The following BCAP29 variants were observed in gnomAD, a reference collection of about 807,000 sequenced individuals.
The protein encoded by BCAP29 is B cell receptor associated protein 29, also known as B-cell receptor-associated protein 29.
A neutral mutation model predicts 31.8 loss-of-function variants in BCAP29; 34 were observed. The observed-to-expected ratio is 1.07, with a 90% CI of 0.81 to 1.42. The LOEUF (loss-of-function observed/expected upper bound fraction) is 1.42, where lower values mean the gene tolerates loss of function less well. BCAP29 is among the 40% of genes most tolerant of loss of function. BCAP29 has a pLI of 0.00. For synonymous variants in BCAP29, 104 were observed against 91.3 expected (o/e 1.14, Z -0.79); for missense variants, 314 against 269.2 (o/e 1.17, Z -1.16).
At chr7:107,593,676 G>A (rs997202075) in intron 3 of BCAP29, among the ~76,000 whole-genome samples, 1 of 152,166 alleles carries the variant, frequency 6.6e-6, no homozygotes, top group East Asian at 1.9e-4. Context: ...AGTTTGCAGT[G>A]TAGTTAGAGA....
chr7:107,615,697 A>G (rs1814001249), intron 7 of BCAP29: 1 of 202,248 alleles, frequency 4.9e-6, no homozygotes, highest in African/African-American at 2.3e-5. Flanking sequence ...GCCAGACACC[A>G]TGCCGAGAGT....
At chr7:107,599,217 AT>A (rs1213913994) in intron 5 of BCAP29, among the ~76,000 whole-genome samples, 1 of 16,406 alleles carries the variant, frequency 6.1e-5, no homozygotes, top group African/African-American at 3.4e-4. Context: ...ATAAATATAT[AT>A]ATACATAATT....
At chr7:107,617,314 G>A (rs1035555380) in intron 7 of BCAP29, among the ~76,000 whole-genome samples, 11 of 152,088 alleles carry the variant, frequency 7.2e-5, no homozygotes, top group Non-Finnish European at 1.0e-4. Flanking sequence ...AGAGGGAAAC[G>A]CTGATTTCTT....
chr7:107,605,172 A>G (rs1215712089), intron 6 of BCAP29, among the ~76,000 whole-genome samples: 2 of 152,228 alleles, frequency 1.3e-5, no homozygotes, highest in African/African-American at 4.8e-5. Flanking sequence ...ATACTCATAA[A>G]CTATGTGTCT....
rs146681774 is a variant in BCAP29 at position 107,600,456 on chromosome 7, A to G, written c.540A>G (p.Leu180=). The G allele has an allele frequency of 6.2e-6, 10 of 1,611,382 alleles. No homozygotes were observed. The highest frequency in any genetic ancestry group is 2.7e-5 in the African/African-American group (2 of 74,876). The change falls in exon 6 of 8, where the codon CTA becomes CTG. Residue 180 remains leucine, a synonymous_variant. Coordinates refer to ENST00000005259, the MANE Select transcript of BCAP29 (RefSeq NM_018844.4). ...TTTTGGAAGCAGAAAATAAAAAACT[A>G]GTAGAAGACCAGGAGAAACTGAAAA... ...ECVLEAENKK[L]VEDQEKLKTE...
In BCAP29 at chr7:107,619,864, C is replaced by T. The variant is rs1371108239; in HGVS notation, c.*1501C>T. On this transcript the variant is annotated 3_prime_UTR_variant, in exon 8 of 8. Transcript: ENST00000005259. ...ATAACTTACAGAAAAATAGAAAATG[C>T]ACAGCTTTAAAATGGGCAGAGTTAA... The T allele has an allele frequency of 6.6e-6, 1 of 152,132 alleles. No homozygotes were observed. The highest frequency in any genetic ancestry group is 1.5e-5 in the Non-Finnish European group (1 of 68,026). The allele number at this position is 152,132 out of a possible 1,614,324, so 9.4% of individuals were successfully genotyped here. A position where few individuals can be genotyped will look rare whatever the true frequency, so the allele number is the denominator to read the frequency against.
chr7:107,580,747 T>G lies in BCAP29; in HGVS notation c.-14-12T>G. On this transcript the variant is annotated splice_polypyrimidine_tract_variant and intron_variant, in intron 1 of 7. Coordinates refer to ENST00000005259, the MANE Select transcript of BCAP29 (RefSeq NM_018844.4). ...AAAGGAAGCAAGAGAAAATAAGTGT[T>G]TTTCCATTTAGGTGTGAAGAAAAAA... The G allele has an allele frequency of 6.4e-7, 1 of 1,560,000 alleles. No individual in the cohort carries two copies. The highest frequency in any genetic ancestry group is 8.7e-7 in the Non-Finnish European group (1 of 1,145,360).
chr7:107,609,000 C>CTA (rs1044013692), intron 6 of BCAP29, among the ~76,000 whole-genome samples: 25 of 152,170 alleles, frequency 1.6e-4, no homozygotes, highest in African/African-American at 5.8e-4. Context: ...AGTCCATAGT[C>CTA]TAGTAAGGGC....
At chr7:107,590,929 G>T (rs533837354) in intron 3 of BCAP29, among the ~76,000 whole-genome samples, 2 of 151,946 alleles carry the variant, frequency 1.3e-5, no homozygotes, top group Non-Finnish European at 2.9e-5. Context: ...AATACAGGTG[G>T]GTCAGTATAC....
intron 6 of BCAP29, among the ~76,000 whole-genome samples, chr7:107,608,449 AT>A (rs977899432): frequency 2.8e-4 from 43 of 151,696 alleles, no homozygotes; most frequent in African/African-American, 9.2e-4. Context: ...ACACATTTCC[AT>A]TTTGGATATT....
At position 107,618,922 on chromosome 7, in the gene BCAP29, T is replaced by G. The variant is rs891602309; in HGVS notation, c.*559T>G. 1 of 172,394 alleles carries G rather than the reference T, an allele frequency of 5.8e-6. No homozygotes were observed. The highest frequency in any genetic ancestry group is 2.4e-5 in the African/African-American group (1 of 42,276). 10.7% of individuals were successfully genotyped at this position (172,394 alleles called of 1,614,324 possible). On this transcript the variant is annotated 3_prime_UTR_variant, in exon 8 of 8. Coordinates refer to ENST00000005259, the MANE Select transcript of BCAP29 (RefSeq NM_018844.4). ...CTGATGATACTATGGTTTACTCTAA[T>G]AAGATAGCTATATTGATAATTATAT... is the stretch of plus-strand genomic sequence containing the variant.
intron 3 of BCAP29, among the ~76,000 whole-genome samples, chr7:107,590,837 G>A (rs1004548892): frequency 1.1e-4 from 17 of 148,742 alleles, no homozygotes; most frequent in African/African-American, 3.4e-4. Context: ...AAAAAAAAAA[G>A]AAAGAAAGAA....
rs1397332213 is a variant in BCAP29, at chr7:107,595,964, G to A, written c.442G>A (p.Ala148Thr). The change falls in exon 5 of 8, where the codon GCC becomes ACC. Residue 148 changes from alanine (A) to threonine (T), a missense_variant. Transcript: ENST00000005259. ...KTQAENTNKA[A>T]KKFMEENEKL... The stretch of plus-strand genomic sequence containing the variant: ...TCAAGCAGAAAATACTAACAAGGCT[G>A]CCAAAAAATTTATGGAAGAAAACGA... 6.3e-7 allele frequency: 1 copy of A among 1,576,926 alleles called. No homozygotes were observed. Among genetic ancestry groups the A allele is most frequent in the Non-Finnish European group, 8.6e-7 (1 of 1,168,670 alleles).
Position 107,600,654 on chromosome 7 carries a change from A to G in BCAP29, c.589+149A>G, listed in dbSNP as rs1439052639. The G allele has an allele frequency of 1.3e-5, 7 of 532,906 alleles. No individual in the cohort carries two copies. The South Asian group carries it at 2.1e-4, about 16-fold the overall frequency. 33.0% of individuals were successfully genotyped at this position (532,906 alleles called of 1,614,324 possible). ...ATTTATAAATTCTTGTTCAAATATG[A>G]AGATAAAACATTATGTCAGCCAAGA... is the stretch of plus-strand genomic sequence containing the variant. On this transcript the variant is annotated intron_variant, in intron 6 of 7. Coordinates refer to ENST00000005259, the MANE Select transcript of BCAP29 (RefSeq NM_018844.4).
chr7:107,613,568 C>A, intron 7 of BCAP29, 136 bp downstream of exon 7: 2 of 1,406,388 alleles, frequency 1.4e-6, no homozygotes, highest in East Asian at 2.4e-5. Context: ...TTAAAGAAGC[C>A]AGATTTTTAC....
chr7:107,585,608 T>G (rs1807504881), intron 3 of BCAP29, among the ~76,000 whole-genome samples: 1 of 152,204 alleles, frequency 6.6e-6, no homozygotes, highest in Non-Finnish European at 1.5e-5. Context: ...ATCTTCTAAC[T>G]CTAAAATTAT....
intron 2 of BCAP29, among the ~76,000 whole-genome samples, chr7:107,582,003 C>G (rs1459639768): frequency 6.6e-6 from 1 of 152,150 alleles, no homozygotes; most frequent in East Asian, 1.9e-4. Context: ...GGCTCTTAGT[C>G]CAGTGTTCTT....
intron 5 of BCAP29, among the ~76,000 whole-genome samples, chr7:107,598,933 G>A (rs1182948718): frequency 3.9e-5 from 5 of 128,838 alleles, no homozygotes; most frequent in Admixed American, 2.4e-4. Flanking sequence ...ACACACACAC[G>A]CACGCACATA....
intron 5 of BCAP29, among the ~76,000 whole-genome samples, chr7:107,596,506 T>G (rs1308954969): frequency 6.6e-6 from 1 of 152,240 alleles, no homozygotes; most frequent in African/African-American, 2.4e-5. Flanking sequence ...TTATTTTCTA[T>G]CTTTTGATCT....
Sources: allele counts gnomAD v4.1 joint callset (sites outside exome capture counted in the v4.1 genomes callset), GRCh38; gene constraint gnomAD v4.1.1; transcripts MANE v1.5; gene names NCBI Gene and HGNC (gene_info 2026-07-23, HGNC 2026-07-21).